Variants in NF2 observed in about 807,000 individuals in gnomAD.
NF2 encodes the protein NF2, moesin-ezrin-radixin like (MERLIN) tumor suppressor, also known as merlin.
In NF2, 8 loss-of-function variants were observed where a neutral mutation model predicts 83.7. The ratio of observed to expected loss-of-function variants is 0.10; its 90% CI spans 0.06 to 0.17. The LOEUF (loss-of-function observed/expected upper bound fraction) is 0.17. Ranked by LOEUF, NF2 falls within the 10% of genes least tolerant of loss-of-function variation. The probability of loss-of-function intolerance (pLI) is 1.00; values close to 1 mark genes in which losing one functional copy is unlikely to be tolerated. For synonymous variants in NF2, 266 were observed against 269.6 expected (o/e 0.99, Z 0.13); for missense variants, 533 against 744.4 (o/e 0.72, Z 3.31).
chr22:29,686,615 G>C (rs1183420102), intron 15 of NF2, among the ~76,000 whole-genome samples: 1 of 152,138 alleles, frequency 6.6e-6, no homozygotes, highest in East Asian at 1.9e-4. Flanking sequence ...CTCCAGCCTG[G>C]GCAACAAGAG....
At chr22:29,658,077 C>A in intron 6 of NF2, 112 bp from the exon 7 acceptor site, 1 of 924,408 alleles carries the variant, frequency 1.1e-6, no homozygotes, top group Non-Finnish European at 1.7e-6. Context: ...TGTCTTCTGG[C>A]AGCGACGTGG....
chr22:29,608,309 C>T (rs1033196694), intron 1 of NF2, among the ~76,000 whole-genome samples: 6 of 148,990 alleles, frequency 4.0e-5, no homozygotes, highest in East Asian at 2.0e-4. Flanking sequence ...GACAGAGTCT[C>T]GCTCTGTTGC....
intron 10 of NF2, 123 bp downstream of exon 10, chr22:29,668,569 A>AC (rs2066694941): frequency 4.1e-6 from 3 of 728,492 alleles, no homozygotes; most frequent in Non-Finnish European, 7.5e-6. Context: ...CTTGTTTTAT[A>AC]CCTTTTGGAT....
chr22:29,608,481 C>G (rs1401370521), intron 1 of NF2, among the ~76,000 whole-genome samples: 1 of 151,184 alleles, frequency 6.6e-6, no homozygotes, highest in East Asian at 2.0e-4. Flanking sequence ...CCAGCCTGGC[C>G]AACATGGTGA....
In NF2 at chr22:29,603,800, C is replaced by A; in HGVS notation, c.-199C>A. 1 of 576,322 alleles carries A rather than the reference C, an allele frequency of 1.7e-6. No homozygotes were observed. Among genetic ancestry groups the A allele is most frequent in the Non-Finnish European group, 3.1e-6 (1 of 327,020 alleles). The allele number at this position is 576,322 out of a possible 1,614,324, so 35.7% of individuals were successfully genotyped here. A position where few individuals can be genotyped will look rare whatever the true frequency, so the allele number is the denominator to read the frequency against. The stretch of plus-strand genomic sequence containing the variant: ...CCTCCCTGCAGCCGTCAGGGCCCGT[C>A]CCCCAACTCCCCTTTCCGCTCAGGC... On this transcript the variant is annotated 5_prime_UTR_variant, in exon 1 of 16. Transcript: ENST00000338641.
chr22:29,606,571 C>A (rs2064803869), intron 1 of NF2, among the ~76,000 whole-genome samples: 2 of 152,188 alleles, frequency 1.3e-5, no homozygotes. Flanking sequence ...ACTTCATTTG[C>A]AACACAGTGT....
chr22:29,634,350 T>C (rs570602975), intron 1 of NF2, among the ~76,000 whole-genome samples: 1 of 152,218 alleles, frequency 6.6e-6, no homozygotes, highest in Non-Finnish European at 1.5e-5. Flanking sequence ...AGGGGACAAA[T>C]ACATTGTCTT....
At chr22:29,664,963 A>C in intron 8 of NF2, 27 bp from the exon 9 acceptor site, 1 of 1,559,892 alleles carries the variant, frequency 6.4e-7, no homozygotes, top group South Asian at 1.1e-5. Context: ...TGTCGGACTG[A>C]AACTGTGTTC....
At chr22:29,676,748 A>G (rs777008501) in intron 13 of NF2, among the ~76,000 whole-genome samples, 2 of 152,244 alleles carry the variant, frequency 1.3e-5, no homozygotes. Context: ...ATAAATTCTT[A>G]TAATAGAACT....
At chr22:29,643,163 T>A (rs572730325) in intron 4 of NF2, among the ~76,000 whole-genome samples, 1 of 152,230 alleles carries the variant, frequency 6.6e-6, no homozygotes, top group Non-Finnish European at 1.5e-5. Flanking sequence ...TGTATTTTTA[T>A]AGAGATGGGG....
chr22:29,608,991 C>G, intron 1 of NF2: 1 of 652,616 alleles, frequency 1.5e-6, no homozygotes, highest in Non-Finnish European at 2.9e-6. Context: ...ACTCTGGGGT[C>G]GATTATCTCC....
At chr22:29,687,463 C>CG (rs2067298050) in intron 15 of NF2, among the ~76,000 whole-genome samples, 1 of 152,100 alleles carries the variant, frequency 6.6e-6, no homozygotes. Context: ...AAAAAACACC[C>CG]GGGGAAGTGA....
At chr22:29,612,474 G>C (rs946681012) in intron 1 of NF2, among the ~76,000 whole-genome samples, 1 of 151,138 alleles carries the variant, frequency 6.6e-6, no homozygotes, top group South Asian at 2.1e-4. Flanking sequence ...AGGCATGCGC[G>C]ATCATCCCTA....
chr22:29,643,916 G>C (rs2065890452), intron 4 of NF2, among the ~76,000 whole-genome samples: 1 of 151,186 alleles, frequency 6.6e-6, no homozygotes, highest in Non-Finnish European at 1.5e-5. Flanking sequence ...GGCCGGGCGG[G>C]GGGCTGACCC....
chr22:29,656,757 A>G (rs1268174786), intron 6 of NF2, among the ~76,000 whole-genome samples: 3 of 151,968 alleles, frequency 2.0e-5, no homozygotes, highest in Non-Finnish European at 2.9e-5. Flanking sequence ...GGATGTGAGC[A>G]TTTTGCATTT....
At chr22:29,609,321 C>T in intron 1 of NF2, 1 of 659,494 alleles carries the variant, frequency 1.5e-6, no homozygotes, top group Non-Finnish European at 2.9e-6. Flanking sequence ...ATCCAGTTCC[C>T]ATCTTTGGCT....
At chr22:29,680,230 G>GCCT (rs889486656) in intron 14 of NF2, among the ~76,000 whole-genome samples, 10 of 151,968 alleles carry the variant, frequency 6.6e-5, no homozygotes, top group African/African-American at 2.2e-4. Context: ...TCCTGCCTCA[G>GCCT]CCTCCTGAGT....
chr22:29,626,023 G>A (rs781184940), intron 1 of NF2, among the ~76,000 whole-genome samples: 4 of 152,038 alleles, frequency 2.6e-5, no homozygotes, highest in Admixed American at 6.6e-5. Flanking sequence ...AATGTATCTC[G>A]ACTGATCTGT....
chr22:29,698,422 G>GC lies in NF2; in HGVS notation c.*3624dup, dbSNP rs2067613531. 9.0e-6 allele frequency: 2 copies of GC among 221,352 alleles called. No homozygotes were observed. Among genetic ancestry groups the GC allele is most frequent in the Non-Finnish European group, 1.8e-5 (2 of 110,432 alleles). The allele number at this position is 221,352 out of a possible 1,614,324, so 13.7% of individuals were successfully genotyped here. On this transcript the variant is annotated 3_prime_UTR_variant, in exon 16 of 16. Coordinates refer to ENST00000338641, the MANE Select transcript of NF2 (RefSeq NM_000268.4). ...GCCCAGTGACCCTGGGCCCAAGCCA[G>GC]CCCCTCCAGGGCTTTCAGGGAAGCG... is the stretch of plus-strand genomic sequence containing the variant.
Sources: allele counts gnomAD v4.1 joint callset (sites outside exome capture counted in the v4.1 genomes callset), GRCh38; gene constraint gnomAD v4.1.1; transcripts MANE v1.5; gene names NCBI Gene and HGNC (gene_info 2026-07-23, HGNC 2026-07-21).